PRKAA2: variants seen among roughly 807,000 people sequenced by gnomAD.
PRKAA2 encodes the protein protein kinase AMP-activated catalytic subunit alpha 2, also known as 5'-AMP-activated protein kinase catalytic subunit alpha-2.
Under a neutral mutation model 56.3 loss-of-function variants are expected in PRKAA2, and 40 were observed. The ratio of observed to expected loss-of-function variants is 0.71; its 90% CI spans 0.55 to 0.92. The LOEUF is 0.92. PRKAA2 is among the 40% of genes least tolerant of loss of function. The pLI, the probability that PRKAA2 is intolerant of heterozygous loss-of-function variation, is 0.00. For synonymous variants in PRKAA2, 214 were observed against 234.2 expected (o/e 0.91, Z 0.79); for missense variants, 542 against 686.9 (o/e 0.79, Z 2.36).
chr1:56,657,702 T>C (rs567953526), intron 1 of PRKAA2, among the ~76,000 whole-genome samples: 27 of 150,266 alleles, frequency 1.8e-4, no homozygotes, highest in African/African-American at 6.1e-4. Flanking sequence ...TAAATAAAAC[T>C]CCAGCCTGGG....
At chr1:56,651,725 A>G (rs1643901039) in intron 1 of PRKAA2, among the ~76,000 whole-genome samples, 1 of 152,088 alleles carries the variant, frequency 6.6e-6, no homozygotes, top group South Asian at 2.1e-4. Context: ...CTTTTCCAAC[A>G]TTTACTTGGA....
rs774884393 is a variant in PRKAA2, at chr1:56,704,087, G to A, written c.905G>A (p.Cys302Tyr). Residue 302 changes from cysteine (C) to tyrosine (Y), a missense_variant, in exon 7 of 9, where the codon TGT becomes TAT. Physicochemically the swap from Cys to Tyr is radical, Grantham distance 194. This residue lies in a region of PRKAA2 where 198 missense variants were observed against 234.0 expected (regional missense o/e 0.85). Coordinates refer to ENST00000371244, the MANE Select transcript of PRKAA2 (RefSeq NM_006252.4). ...AVKEVCEKFE[C>Y]TESEVMNSLY... ...AAAGAAGTGTGTGAAAAATTTGAAT[G>A]TACAGAATCAGAAGTAATGAACAGT... is the stretch of plus-strand genomic sequence containing the variant. 2 of 1,614,174 alleles carry A rather than the reference G, an allele frequency of 1.2e-6. No homozygotes were observed. The highest frequency in any genetic ancestry group is 3.3e-5 in the Admixed American group (2 of 60,028).
intron 1 of PRKAA2, among the ~76,000 whole-genome samples, chr1:56,668,673 A>T (rs1644053068): frequency 6.6e-6 from 1 of 152,140 alleles, no homozygotes; most frequent in Non-Finnish European, 1.5e-5. Flanking sequence ...CCTAAACTAT[A>T]TAATATATTA....
intron 1 of PRKAA2, among the ~76,000 whole-genome samples, chr1:56,673,008 G>A (rs1173462356): frequency 6.6e-6 from 1 of 152,106 alleles, no homozygotes; most frequent in Non-Finnish European, 1.5e-5. Context: ...TGAGGACAGT[G>A]TAGAAAAGAT....
chr1:56,666,833 CCTT>C (rs1457497143), intron 1 of PRKAA2, among the ~76,000 whole-genome samples: 1 of 152,108 alleles, frequency 6.6e-6, no homozygotes, highest in African/African-American at 2.4e-5. Flanking sequence ...ATTCTGATTA[CCTT>C]CTTACTCCAA....
chr1:56,713,915 A>G lies in PRKAA2; in HGVS notation c.*6202A>G, dbSNP rs1644387372. 1 of 150,786 alleles carries G rather than the reference A, an allele frequency of 6.6e-6. No homozygotes were observed. The highest frequency in any genetic ancestry group is 1.5e-5 in the Non-Finnish European group (1 of 67,760). 9.3% of individuals were successfully genotyped at this position (150,786 alleles called of 1,614,324 possible). On this transcript the variant is annotated 3_prime_UTR_variant, in exon 9 of 9. Transcript: ENST00000371244. ...CTTAAATTATAAGAAGAGTAATAGT[A>G]AAAACTTGTTTAAACTATATTTTCT...
intron 7 of PRKAA2, among the ~76,000 whole-genome samples, chr1:56,705,399 T>TTTGTTGTTG (rs10624434): frequency 6.6e-6 from 1 of 151,322 alleles, no homozygotes; most frequent in Non-Finnish European, 1.5e-5. Flanking sequence ...TTGTTTATTT[T>TTTGTTGTTG]TTGTTGTTGT....
chr1:56,692,521 G>C lies in PRKAA2; in HGVS notation c.475+19G>C. The stretch of plus-strand genomic sequence containing the variant: ...GATTTCGGTATGTAACTCCAGGGTT[G>C]TTCAGAAAGGTACTAGCTACCTTTT... On this transcript the variant is annotated intron_variant, in intron 4 of 8. Transcript: ENST00000371244. 6.2e-7 allele frequency: 1 copy of C among 1,609,646 alleles called. No homozygotes were observed. Among genetic ancestry groups the C allele is most frequent in the Non-Finnish European group, 8.5e-7 (1 of 1,177,834 alleles).
chr1:56,672,893 T>G (rs1397284690), intron 1 of PRKAA2, among the ~76,000 whole-genome samples: 1 of 152,048 alleles, frequency 6.6e-6, no homozygotes, highest in Non-Finnish European at 1.5e-5. Flanking sequence ...ATGAGACAAG[T>G]TGGAAACTAG....
At chr1:56,690,255 C>T (rs1157361794) in intron 2 of PRKAA2, among the ~76,000 whole-genome samples, 1 of 151,892 alleles carries the variant, frequency 6.6e-6, no homozygotes, top group Admixed American at 6.6e-5. Flanking sequence ...GCTCTGCCTC[C>T]CGGGTTCACG....
chr1:56,671,392 A>T (rs1050216921), intron 1 of PRKAA2: 1 of 152,216 alleles, frequency 6.6e-6, no homozygotes, highest in Non-Finnish European at 1.5e-5. Context: ...ATTCCCAAAG[A>T]TGAGTAATAA....
At chr1:56,656,018 A>G (rs1403573886) in intron 1 of PRKAA2, among the ~76,000 whole-genome samples, 2 of 152,226 alleles carry the variant, frequency 1.3e-5, no homozygotes, top group East Asian at 3.8e-4. Context: ...ATTTTAAATA[A>G]CTGATACTTT....
At chr1:56,678,238 C>T (rs1228442102) in intron 2 of PRKAA2, among the ~76,000 whole-genome samples, 1 of 152,054 alleles carries the variant, frequency 6.6e-6, no homozygotes, top group Non-Finnish European at 1.5e-5. Flanking sequence ...AACAAACAAA[C>T]AAAAAAACAC....
intron 6 of PRKAA2, among the ~76,000 whole-genome samples, chr1:56,699,663 T>C (rs1644281532): frequency 6.6e-6 from 1 of 152,242 alleles, no homozygotes; most frequent in East Asian, 1.9e-4. Context: ...TGGCTTTTAG[T>C]GTATTCACAA....
At chr1:56,687,837 G>T (rs1216485517) in intron 2 of PRKAA2, among the ~76,000 whole-genome samples, 9 of 151,660 alleles carry the variant, frequency 5.9e-5, no homozygotes, top group Non-Finnish European at 2.9e-5. Context: ...TATTTTTTTT[G>T]ATTTTCATAT....
At chr1:56,700,045 A>G (rs562686979) in intron 6 of PRKAA2, among the ~76,000 whole-genome samples, 79 of 152,276 alleles carry the variant, frequency 5.2e-4, no homozygotes, top group African/African-American at 1.8e-3. Flanking sequence ...TACTGTTTCC[A>G]TGAACATTTA....
At chr1:56,681,505 C>A (rs1381796937) in intron 2 of PRKAA2, among the ~76,000 whole-genome samples, 2 of 152,160 alleles carry the variant, frequency 1.3e-5, no homozygotes, top group African/African-American at 4.8e-5. Flanking sequence ...ACATTTAAGT[C>A]TTTGATCCAT....
intron 1 of PRKAA2, among the ~76,000 whole-genome samples, chr1:56,669,495 T>A (rs1644060089): frequency 6.6e-6 from 1 of 151,824 alleles, no homozygotes; most frequent in South Asian, 2.1e-4. Context: ...CTGCTTGGGT[T>A]TAAACCCAGC....
intron 2 of PRKAA2, among the ~76,000 whole-genome samples, chr1:56,675,420 G>C (rs1393726630): frequency 6.6e-6 from 1 of 151,822 alleles, no homozygotes; most frequent in African/African-American, 2.4e-5. Context: ...TTCATGATCA[G>C]TGTCTAAAGT....
Sources: gnomAD v4.1 joint callset for allele counts (sites outside exome capture counted in the v4.1 genomes callset) on GRCh38, gnomAD v4.1.1 for gene constraint, gnomAD v4.1.1 regional missense constraint, MANE v1.5 for transcripts, NCBI Gene and HGNC (gene_info 2026-07-23, HGNC 2026-07-21) for gene names.